Variants in RETREG1 observed in about 807,000 individuals in gnomAD.
RETREG1 encodes family with sequence similarity 134 member B.
RETREG1 carries 44 observed loss-of-function variants against 54.8 expected under a neutral mutation model. The ratio of observed to expected loss-of-function variants is 0.80; its 90% CI spans 0.63 to 1.03. The LOEUF (loss-of-function observed/expected upper bound fraction) is 1.03. RETREG1 is among the 50% of genes least tolerant of loss of function. The pLI, the probability that RETREG1 is intolerant of heterozygous loss-of-function variation, is 0.00. For missense variants in RETREG1, 554 were observed against 605.1 expected (o/e 0.92, Z 0.89); for synonymous variants, 217 against 238.5 (o/e 0.91, Z 0.83).
intron 3 of RETREG1, among the ~76,000 whole-genome samples, chr5:16,512,867 G>T (rs1419534018): frequency 1.3e-5 from 2 of 152,060 alleles, no homozygotes; most frequent in African/African-American, 2.4e-5. Context: ...GAAACATCAG[G>T]CTGCTCCAGG....
At chr5:16,505,081 C>A (rs1440548583) in intron 3 of RETREG1, among the ~76,000 whole-genome samples, 1 of 152,174 alleles carries the variant, frequency 6.6e-6, no homozygotes, top group Non-Finnish European at 1.5e-5. Flanking sequence ...CTTTGGTGAT[C>A]TTAAATACAA....
intron 2 of RETREG1, among the ~76,000 whole-genome samples, chr5:16,569,037 T>C (rs1225708883): frequency 2.0e-5 from 3 of 152,168 alleles, no homozygotes; most frequent in Admixed American, 6.5e-5. Context: ...ATTGACGCCA[T>C]GGAGTTACCG....
At chr5:16,475,373 C>G (rs1270332043) in intron 8 of RETREG1, 139 bp from the exon 9 acceptor site, 1 of 884,192 alleles carries the variant, frequency 1.1e-6, no homozygotes, top group Non-Finnish European at 1.8e-6. Context: ...CAACTTGAAT[C>G]AATTTAACCA....
intron 3 of RETREG1, chr5:16,509,062 G>A (rs1249286844): frequency 2.1e-6 from 2 of 968,862 alleles, no homozygotes; most frequent in East Asian, 1.1e-4. Context: ...TTTCTGGCAT[G>A]ACTAGGCACC....
intron 3 of RETREG1, among the ~76,000 whole-genome samples, chr5:16,512,119 G>T (rs1490973056): frequency 6.6e-6 from 1 of 152,184 alleles, no homozygotes; most frequent in African/African-American, 2.4e-5. Flanking sequence ...GGGGACTAAG[G>T]TGCTAAGCGT....
At chr5:16,612,897 T>C (rs961122137) in intron 1 of RETREG1, among the ~76,000 whole-genome samples, 1 of 152,228 alleles carries the variant, frequency 6.6e-6, no homozygotes, top group Non-Finnish European at 1.5e-5. Context: ...CCTGTTCAGT[T>C]CCTGCACCAT....
intron 3 of RETREG1, among the ~76,000 whole-genome samples, chr5:16,488,847 G>A (rs1449828152): frequency 1.3e-5 from 2 of 152,046 alleles, no homozygotes; most frequent in Non-Finnish European, 2.9e-5. Flanking sequence ...CACTTTGGGA[G>A]GCCGAGGTGG....
At chr5:16,580,377 A>G (rs1030028154) in intron 1 of RETREG1, among the ~76,000 whole-genome samples, 2 of 152,174 alleles carry the variant, frequency 1.3e-5, no homozygotes, top group South Asian at 4.1e-4. Flanking sequence ...TTTCTGAAAC[A>G]CCTTGCTGAC....
At chr5:16,565,855 T>C in intron 2 of RETREG1, 62 bp from the exon 3 acceptor site, 1 of 1,555,484 alleles carries the variant, frequency 6.4e-7, no homozygotes, top group South Asian at 1.2e-5. Context: ...GAAATATTTC[T>C]CAACTCTGAA....
intron 3 of RETREG1, among the ~76,000 whole-genome samples, chr5:16,487,670 A>G (rs1739070263): frequency 6.6e-6 from 1 of 152,240 alleles, no homozygotes; most frequent in African/African-American, 2.4e-5. Flanking sequence ...GATGAAGGCC[A>G]TTCTCCAATC....
intron 3 of RETREG1, among the ~76,000 whole-genome samples, chr5:16,526,039 T>C (rs1740707660): frequency 6.6e-6 from 1 of 152,228 alleles, no homozygotes; most frequent in Admixed American, 6.5e-5. Flanking sequence ...CTTAACCACA[T>C]TGATCACATC....
rs116927215 is a variant in RETREG1 at position 16,503,758 on chromosome 5, A to G, written c.459-20286T>C. Among the ~76,000 whole-genome samples, 525 of 152,306 alleles carry G rather than the reference A, an allele frequency of 3.4e-3. 16 individuals are homozygous for G. In the East Asian group the frequency reaches 0.081, roughly 24 times the overall value. The stretch of plus-strand genomic sequence containing the variant: ...TGTCTATTATACCTTAGGAATATAT[A>G]AATGAAGGAGCCACAGCACAGTTAG... On this transcript the variant is annotated intron_variant, in intron 3 of 8. Transcript: ENST00000306320.
At chr5:16,589,262 C>G (rs944538625) in intron 1 of RETREG1, among the ~76,000 whole-genome samples, 3 of 151,574 alleles carry the variant, frequency 2.0e-5, no homozygotes, top group Non-Finnish European at 4.4e-5. Flanking sequence ...TATAATCCCA[C>G]TGGGTGCGGC....
intron 1 of RETREG1, among the ~76,000 whole-genome samples, chr5:16,590,643 C>T (rs1391683127): frequency 2.0e-5 from 3 of 152,270 alleles, no homozygotes; most frequent in African/African-American, 7.2e-5. Context: ...CCCAGGGCCT[C>T]GTTGTTATTT....
chr5:16,483,830 T>A (rs918450867), intron 3 of RETREG1, among the ~76,000 whole-genome samples: 2 of 151,730 alleles, frequency 1.3e-5, no homozygotes, highest in South Asian at 2.1e-4. Context: ...AGCCCTGGAG[T>A]GGGAAGGAGC....
intron 4 of RETREG1, among the ~76,000 whole-genome samples, chr5:16,482,507 A>G (rs578177505): frequency 4.6e-5 from 7 of 152,110 alleles, no homozygotes; most frequent in African/African-American, 1.4e-4. Flanking sequence ...CAATACTGCC[A>G]CTTTAATACA....
At chr5:16,538,932 C>T (rs1741157946) in intron 3 of RETREG1, among the ~76,000 whole-genome samples, 1 of 152,164 alleles carries the variant, frequency 6.6e-6, no homozygotes, top group Non-Finnish European at 1.5e-5. Flanking sequence ...TCTCGATCTC[C>T]TGACCTCATG....
chr5:16,523,906 C>T (rs1740616759), intron 3 of RETREG1, among the ~76,000 whole-genome samples: 1 of 152,176 alleles, frequency 6.6e-6, no homozygotes, highest in African/African-American at 2.4e-5. Context: ...CAGCCACAAA[C>T]TTGTTCTTGC....
At chr5:16,530,965 TA>T (rs1740900532) in intron 3 of RETREG1, among the ~76,000 whole-genome samples, 1 of 152,116 alleles carries the variant, frequency 6.6e-6, no homozygotes, top group African/African-American at 2.4e-5. Context: ...AATTTCAACA[TA>T]AGGAAGAAAT....
Sources: allele counts gnomAD v4.1 joint callset (sites outside exome capture counted in the v4.1 genomes callset), GRCh38; gene constraint gnomAD v4.1.1; transcripts MANE v1.5; gene names NCBI Gene and HGNC (gene_info 2026-07-23, HGNC 2026-07-21).